GABRG3: variants seen among roughly 807,000 people sequenced by gnomAD.
GABRG3 encodes gamma-aminobutyric acid type A receptor subunit gamma3.
In GABRG3, 25 loss-of-function variants were observed where a neutral mutation model predicts 48.8. The observed-to-expected ratio is 0.51, with a 90% CI of 0.37 to 0.72. The LOEUF (loss-of-function observed/expected upper bound fraction) is 0.72, where lower values mean the gene tolerates loss of function less well. Ranked by LOEUF, GABRG3 falls within the 30% of genes least tolerant of loss-of-function variation. GABRG3 has a pLI of 0.00. For synonymous variants in GABRG3, 227 were observed against 217.6 expected (o/e 1.04, Z -0.38); for missense variants, 394 against 577.9 (o/e 0.68, Z 3.26).
intron 9 of GABRG3, among the ~76,000 whole-genome samples, chr15:27,532,227 A>T (rs1306601965): frequency 6.6e-6 from 1 of 152,136 alleles, no homozygotes; most frequent in Non-Finnish European, 1.5e-5. Flanking sequence ...TTCATTAATA[A>T]TCCGGGAAAT....
Position 27,535,217 on chromosome 15 carries a change from C to T in GABRG3, c.*2336C>T, listed in dbSNP as rs532221719. 4 of 152,250 alleles carry T rather than the reference C, an allele frequency of 2.6e-5. No homozygotes were observed. The highest frequency in any genetic ancestry group is 2.0e-4 in the Admixed American group (3 of 15,302). The allele number at this position is 152,250 out of a possible 1,614,324, so 9.4% of individuals were successfully genotyped here. On this transcript the variant is annotated 3_prime_UTR_variant, in exon 10 of 10. Transcript: ENST00000615808. ...TTTCTAACAAGCTGAAGAACTGCAACCTGCTACATTGTAAACGAAGTTCTG... is the reference window on the plus strand; with the variant it reads ...TTTCTAACAAGCTGAAGAACTGCAATCTGCTACATTGTAAACGAAGTTCTG...
rs1218255164 is a variant in GABRG3, at chr15:27,313,294, A to G, written c.271-13515A>G. ...TATATATATATATATATATATATAT[A>G]TATATATATATATATACCCAACATC... On this transcript the variant is annotated intron_variant, in intron 3 of 9. Coordinates refer to ENST00000615808, the MANE Select transcript of GABRG3 (RefSeq NM_033223.5). Among the ~76,000 whole-genome samples, 70 of 111,006 alleles carry G rather than the reference A, an allele frequency of 6.3e-4. 4 individuals are homozygous for G. The highest frequency in any genetic ancestry group is 9.7e-4 in the Non-Finnish European group (53 of 54,498). 72.8% of individuals were successfully genotyped at this position (111,006 alleles called of 152,430 possible).
chr15:27,423,721 CTTTTTTT>C (rs542775399), intron 5 of GABRG3, among the ~76,000 whole-genome samples: 155 of 81,758 alleles, frequency 1.9e-3, no homozygotes, highest in African/African-American at 4.2e-3. Context: ...TTTTCTTTTC[CTTTTTTT>C]TTTTTTTTTT....
intron 3 of GABRG3, among the ~76,000 whole-genome samples, chr15:27,080,121 A>G (rs1317758913): frequency 6.6e-6 from 1 of 152,120 alleles, no homozygotes; most frequent in Non-Finnish European, 1.5e-5. Context: ...AGGCTCCCCA[A>G]ACCATTTCTG....
intron 2 of GABRG3, among the ~76,000 whole-genome samples, chr15:27,003,696 A>G (rs1351445857): frequency 5.9e-5 from 9 of 151,712 alleles, no homozygotes; most frequent in Non-Finnish European, 4.4e-5. Flanking sequence ...ATTCCACAAA[A>G]CCGCCATTGT....
At chr15:27,048,649 G>A (rs185121800) in intron 3 of GABRG3, among the ~76,000 whole-genome samples, 49 of 152,254 alleles carry the variant, frequency 3.2e-4, no homozygotes, top group Non-Finnish European at 6.8e-4. Context: ...AGCTGCCCAC[G>A]GGTGGGCAGG....
intron 5 of GABRG3, among the ~76,000 whole-genome samples, chr15:27,445,551 T>C (rs1465153810): frequency 2.0e-5 from 3 of 152,200 alleles, no homozygotes; most frequent in Non-Finnish European, 1.5e-5. Context: ...TATTACTAAG[T>C]TGTAGTGGTT....
intron 3 of GABRG3, among the ~76,000 whole-genome samples, chr15:27,028,010 C>T (rs557175547): frequency 1.3e-5 from 2 of 152,298 alleles, no homozygotes; most frequent in South Asian, 2.1e-4. Flanking sequence ...AGAATTATTT[C>T]AGGAAGTCAA....
At chr15:27,494,667 C>T (rs1162371158) in intron 6 of GABRG3, among the ~76,000 whole-genome samples, 3 of 152,108 alleles carry the variant, frequency 2.0e-5, no homozygotes, top group Non-Finnish European at 4.4e-5. Context: ...CCTCTGATGT[C>T]CTTACAAGAT....
At chr15:27,035,829 C>T (rs577641715) in intron 3 of GABRG3, among the ~76,000 whole-genome samples, 2 of 152,132 alleles carry the variant, frequency 1.3e-5, no homozygotes, top group African/African-American at 4.8e-5. Context: ...GCGGTGGGGG[C>T]TGGAAAGGCT....
chr15:27,463,116 C>G (rs148167742), intron 5 of GABRG3, among the ~76,000 whole-genome samples: 1 of 152,084 alleles, frequency 6.6e-6, no homozygotes, highest in Admixed American at 6.5e-5. Flanking sequence ...TTGAAGTGAG[C>G]TTGATTCAAA....
chr15:27,035,295 A>G lies in GABRG3; in HGVS notation c.270+8474A>G, dbSNP rs186377523. On this transcript the variant is annotated intron_variant, in intron 3 of 9. Transcript: ENST00000615808. The stretch of plus-strand genomic sequence containing the variant: ...CACCTGGTAGGATGGGGTGTTGTCT[A>G]TTGTAGGAATGAATGGTAACTTTTC... Among the ~76,000 whole-genome samples the G allele has an allele frequency of 6.4e-3, 969 of 152,304 alleles. 12 individuals are homozygous for G. Among genetic ancestry groups the G allele is most frequent in the African/African-American group, 0.022 (902 of 41,558 alleles).
At chr15:27,525,493 G>C (rs1891253502) in intron 7 of GABRG3, among the ~76,000 whole-genome samples, 1 of 152,148 alleles carries the variant, frequency 6.6e-6, no homozygotes, top group Admixed American at 6.5e-5. Flanking sequence ...AAATGCCTAA[G>C]GTTTATTTTT....
intron 3 of GABRG3, among the ~76,000 whole-genome samples, chr15:27,166,674 G>A (rs1289542491): frequency 2.0e-5 from 3 of 152,120 alleles, no homozygotes; most frequent in Non-Finnish European, 4.4e-5. Flanking sequence ...CTGGGATTGG[G>A]GTGGCAAAGC....
chr15:27,344,546 T>C (rs548823328), intron 5 of GABRG3, among the ~76,000 whole-genome samples: 15 of 152,294 alleles, frequency 9.8e-5, no homozygotes, highest in African/African-American at 3.6e-4. Flanking sequence ...TGAGAACCTT[T>C]GTAAGGATAT....
intron 9 of GABRG3, 118 bp downstream of exon 9, chr15:27,528,110 A>C (rs555304218): frequency 1.9e-5 from 14 of 746,630 alleles, no homozygotes; most frequent in Admixed American, 1.0e-4. Flanking sequence ...AGTGATGCAC[A>C]TGCTGACTTC....
chr15:27,250,081 A>G (rs917528927), intron 3 of GABRG3, among the ~76,000 whole-genome samples: 3 of 152,048 alleles, frequency 2.0e-5, no homozygotes, highest in Non-Finnish European at 4.4e-5. Context: ...CTCCTCTCCA[A>G]AGCCCCCTCA....
At chr15:27,510,421 C>G (rs1001415590) in intron 6 of GABRG3, among the ~76,000 whole-genome samples, 2 of 152,138 alleles carry the variant, frequency 1.3e-5, no homozygotes, top group African/African-American at 4.8e-5. Flanking sequence ...TCCACCATTC[C>G]CCTGTTGCAC....
At chr15:27,507,516 T>TAATAAATA (rs576105528) in intron 6 of GABRG3, among the ~76,000 whole-genome samples, 1 of 151,970 alleles carries the variant, frequency 6.6e-6, no homozygotes, top group African/African-American at 2.4e-5. Context: ...AAAATAAAAA[T>TAATAAATA]AATAAATAAA....
Sources: allele counts gnomAD v4.1 joint callset (sites outside exome capture counted in the v4.1 genomes callset), GRCh38; gene constraint gnomAD v4.1.1; transcripts MANE v1.5; gene names NCBI Gene and HGNC (gene_info 2026-07-23, HGNC 2026-07-21).